Variants in AUTS2 observed in about 807,000 individuals in gnomAD.
AUTS2 encodes activator of transcription and developmental regulator AUTS2.
In AUTS2, 17 loss-of-function variants were observed where a neutral mutation model predicts 112.4. The ratio of observed to expected loss-of-function variants is 0.15; its 90% CI spans 0.10 to 0.23. The LOEUF (loss-of-function observed/expected upper bound fraction) is 0.23, where lower values mean the gene tolerates loss of function less well. AUTS2 is among the 10% of genes least tolerant of loss of function. AUTS2 has a pLI of 1.00. For missense variants in AUTS2, 1,510 were observed against 1,701.6 expected, an observed-to-expected ratio of 0.89 and a Z score of 1.98; for synonymous variants, 751 against 702.7, an observed-to-expected ratio of 1.07 and a Z score of -1.09.
intron 6 of AUTS2, among the ~76,000 whole-genome samples, chr7:70,703,245 G>A (rs1021326299): frequency 1.3e-5 from 2 of 152,094 alleles, no homozygotes; most frequent in Non-Finnish European, 2.9e-5. Context: ...TGTAATCCCA[G>A]AACTTTTGGG....
At chr7:69,683,590 C>T (rs1187617936) in intron 1 of AUTS2, among the ~76,000 whole-genome samples, 3 of 151,878 alleles carry the variant, frequency 2.0e-5, no homozygotes, top group Non-Finnish European at 4.4e-5. Context: ...TAAAAAACCC[C>T]CAAAAACCCA....
chr7:69,802,336 C>T (rs560941041), intron 1 of AUTS2, among the ~76,000 whole-genome samples: 1 of 152,152 alleles, frequency 6.6e-6, no homozygotes, highest in East Asian at 1.9e-4. Flanking sequence ...GGAACCACCT[C>T]TCTCAGATCT....
intron 2 of AUTS2, among the ~76,000 whole-genome samples, chr7:70,020,223 G>A (rs889519052): frequency 1.3e-5 from 2 of 152,026 alleles, no homozygotes; most frequent in Non-Finnish European, 2.9e-5. Context: ...TTTTAGAAAG[G>A]CATTTAGTAG....
chr7:69,891,642 G>A (rs1794524130), intron 1 of AUTS2, among the ~76,000 whole-genome samples: 1 of 151,604 alleles, frequency 6.6e-6, no homozygotes, highest in African/African-American at 2.4e-5. Context: ...CTCTCGGTAG[G>A]GTCATTCTTT....
chr7:70,591,331 C>G (rs1009314663), intron 5 of AUTS2, among the ~76,000 whole-genome samples: 1 of 152,192 alleles, frequency 6.6e-6, no homozygotes, highest in African/African-American at 2.4e-5. Context: ...AAGACCCACA[C>G]CAGGCTACTC....
intron 4 of AUTS2, among the ~76,000 whole-genome samples, chr7:70,317,653 G>A (rs964180318): frequency 1.3e-5 from 2 of 152,156 alleles, no homozygotes; most frequent in Non-Finnish European, 2.9e-5. Flanking sequence ...ACCCTGACAA[G>A]CATGAGTGGG....
chr7:70,584,392 C>T (rs916218841), intron 5 of AUTS2, among the ~76,000 whole-genome samples: 2 of 152,194 alleles, frequency 1.3e-5, no homozygotes, highest in African/African-American at 4.8e-5. Context: ...GTCTCCGGAT[C>T]GCTCTGTCAT....
chr7:70,528,078 C>A, intron 5 of AUTS2, among the ~76,000 whole-genome samples: 1 of 141,946 alleles, frequency 7.0e-6, no homozygotes, highest in Non-Finnish European at 1.5e-5. Context: ...ACTTGAAGTT[C>A]ACTTAAATTT....
At chr7:69,673,906 T>C (rs1037115382) in intron 1 of AUTS2, among the ~76,000 whole-genome samples, 1 of 152,244 alleles carries the variant, frequency 6.6e-6, no homozygotes, top group Non-Finnish European at 1.5e-5. Context: ...GATTGTTTTG[T>C]TTAGACACAA....
At chr7:70,211,144 C>T (rs1482363290) in intron 4 of AUTS2, among the ~76,000 whole-genome samples, 1 of 152,034 alleles carries the variant, frequency 6.6e-6, no homozygotes, top group Non-Finnish European at 1.5e-5. Flanking sequence ...TCGCCTGGAC[C>T]GTGCTTAGTA....
intron 4 of AUTS2, among the ~76,000 whole-genome samples, chr7:70,313,009 C>G (rs995883128): frequency 1.3e-5 from 2 of 152,168 alleles, no homozygotes; most frequent in East Asian, 3.8e-4. Flanking sequence ...GTCTAAACTG[C>G]TATCCTGTGG....
At chr7:69,637,391 A>T (rs527680162) in intron 1 of AUTS2, among the ~76,000 whole-genome samples, 2 of 152,316 alleles carry the variant, frequency 1.3e-5, no homozygotes, top group South Asian at 4.1e-4. Context: ...TATAGAGAGT[A>T]TTGACTCAGA....
At chr7:70,262,761 A>G (rs1014435879) in intron 4 of AUTS2, among the ~76,000 whole-genome samples, 8 of 152,194 alleles carry the variant, frequency 5.3e-5, no homozygotes, top group African/African-American at 1.9e-4. Flanking sequence ...TTGTATTACA[A>G]TACCTGTGAT....
At chr7:69,959,492 C>T (rs1345952747) in intron 2 of AUTS2, among the ~76,000 whole-genome samples, 1 of 152,094 alleles carries the variant, frequency 6.6e-6, no homozygotes, top group Non-Finnish European at 1.5e-5. Context: ...TCTTTGACCT[C>T]CTCTCCAGTA....
chr7:69,690,496 G>C (rs931483970), intron 1 of AUTS2, among the ~76,000 whole-genome samples: 1 of 152,226 alleles, frequency 6.6e-6, no homozygotes, highest in Non-Finnish European at 1.5e-5. Context: ...CAGGCGCAGA[G>C]CGGCAAGGGG....
At chr7:70,769,249 T>C (rs1790160684) in intron 10 of AUTS2, among the ~76,000 whole-genome samples, 1 of 152,200 alleles carries the variant, frequency 6.6e-6, no homozygotes, top group Non-Finnish European at 1.5e-5. Context: ...GCTGTTCTGC[T>C]CAGTACCAGA....
At chr7:69,678,580 C>A (rs186086382) in intron 1 of AUTS2, among the ~76,000 whole-genome samples, 1 of 152,244 alleles carries the variant, frequency 6.6e-6, no homozygotes, top group Admixed American at 6.5e-5. Flanking sequence ...GGTGCTTTGC[C>A]TAGAGTTGGC....
chr7:69,935,942 AT>A (rs1796392607), intron 2 of AUTS2, among the ~76,000 whole-genome samples: 1 of 152,190 alleles, frequency 6.6e-6, no homozygotes. Context: ...TAAAAAAGGC[AT>A]TTAGTATATT....
At chr7:70,653,793 G>T (rs958140702) in intron 5 of AUTS2, among the ~76,000 whole-genome samples, 1 of 152,184 alleles carries the variant, frequency 6.6e-6, no homozygotes, top group African/African-American at 2.4e-5. Flanking sequence ...ACAGTCACTG[G>T]CTCTCAACCC....
Sources: allele counts gnomAD v4.1 joint callset (sites outside exome capture counted in the v4.1 genomes callset), GRCh38; gene constraint gnomAD v4.1.1; transcripts MANE v1.5; gene names NCBI Gene and HGNC (gene_info 2026-07-23, HGNC 2026-07-21).